The following AFF2 variants were observed in gnomAD, a reference collection of about 807,000 sequenced individuals.
The protein encoded by AFF2 is ALF transcription elongation factor 2, also known as AF4/FMR2 family member 2.
AFF2 carries 14 observed loss-of-function variants against 76.9 expected under a neutral mutation model. The ratio of observed to expected loss-of-function variants is 0.18; its 90% CI spans 0.12 to 0.28. The LOEUF (loss-of-function observed/expected upper bound fraction) is 0.28, where lower values mean the gene tolerates loss of function less well. AFF2 is among the 10% of genes least tolerant of loss of function. The pLI is 1.00. For synonymous variants in AFF2, 398 were observed against 366.7 expected, an observed-to-expected ratio of 1.09 and a Z score of -0.98; for missense variants, 868 against 1,001.1, an observed-to-expected ratio of 0.87 and a Z score of 1.79.
intron 3 of AFF2, among the ~76,000 whole-genome samples, chrX:148,760,515 G>C (rs782486593): frequency 3.6e-5 from 4 of 112,515 alleles, no homozygotes; most frequent in African/African-American, 6.4e-5. Flanking sequence ...TGGCCTTCAG[G>C]CATCATCAAA....
chrX:148,890,704 G>A (rs1430398340), intron 8 of AFF2, among the ~76,000 whole-genome samples: 7 of 112,018 alleles, frequency 6.2e-5, no homozygotes, highest in South Asian at 3.7e-4. Flanking sequence ...AAGGATTGGC[G>A]TGGGTGGAGA....
chrX:148,884,143 A>G (rs2071129471), intron 7 of AFF2, among the ~76,000 whole-genome samples: 1 of 112,391 alleles, frequency 8.9e-6, no homozygotes, highest in African/African-American at 3.2e-5. Context: ...GAAGTCTGCA[A>G]CTGCAAAAGA....
rs782757210 is a variant in AFF2 at position 148,544,472 on chromosome X, A to G, written c.47+43328A>G. On this transcript the variant is annotated intron_variant, in intron 1 of 20. Transcript: ENST00000370460. Reference sequence around the variant, plus strand: ...TCAACTTTTCCACTAGGGCCAACTGAGAATCCTCCCAATGTGTGAGTGTGC... The same window carrying G: ...TCAACTTTTCCACTAGGGCCAACTGGGAATCCTCCCAATGTGTGAGTGTGC... Among the ~76,000 whole-genome samples the G allele has an allele frequency of 5.4e-5, 6 of 111,735 alleles. No individual in the cohort carries two copies. The South Asian group carries it at 2.3e-3, about 42-fold the overall frequency.
At chrX:148,574,595 G>A (rs1873132045) in intron 1 of AFF2, among the ~76,000 whole-genome samples, 1 of 111,256 alleles carries the variant, frequency 9.0e-6, no homozygotes, top group African/African-American at 3.3e-5. Context: ...TAGGGAAGGG[G>A]TTGTGACTGA....
chrX:148,762,010 GATAGAT>G (rs1371452990), intron 3 of AFF2, among the ~76,000 whole-genome samples: 4 of 100,629 alleles, frequency 4.0e-5, no homozygotes, highest in African/African-American at 1.5e-4. Flanking sequence ...TATAGATATA[GATAGAT>G]ATATATTTTA....
intron 3 of AFF2, among the ~76,000 whole-genome samples, chrX:148,763,639 G>T (rs1483013030): frequency 8.9e-6 from 1 of 111,866 alleles, no homozygotes; most frequent in African/African-American, 3.2e-5. Context: ...AGAAAGGTAG[G>T]TGGAACATAA....
intron 8 of AFF2, among the ~76,000 whole-genome samples, chrX:148,886,942 G>A (rs1557279155): frequency 8.9e-6 from 1 of 112,284 alleles, no homozygotes; most frequent in Non-Finnish European, 1.9e-5. Context: ...AAAAGCTTAG[G>A]AAAAATTATC....
chrX:148,906,512 A>G (rs1332595615), intron 9 of AFF2, among the ~76,000 whole-genome samples: 1 of 112,085 alleles, frequency 8.9e-6, no homozygotes, highest in Non-Finnish European at 1.9e-5. Flanking sequence ...CCGACCAATC[A>G]GGTAGTAAAG....
At chrX:148,521,727 T>G (rs1450963016) in intron 1 of AFF2, among the ~76,000 whole-genome samples, 1 of 111,896 alleles carries the variant, frequency 8.9e-6, no homozygotes, top group Non-Finnish European at 1.9e-5. Flanking sequence ...TATGAATATT[T>G]CAGATAAGAT....
At chrX:148,786,575 C>T (rs1018623541) in intron 3 of AFF2, among the ~76,000 whole-genome samples, 1 of 111,469 alleles carries the variant, frequency 9.0e-6, no homozygotes, top group African/African-American at 3.3e-5. Flanking sequence ...TCCCTCTATG[C>T]GTATCTTTGT....
intron 7 of AFF2, among the ~76,000 whole-genome samples, chrX:148,881,372 G>C (rs1438029177): frequency 1.8e-5 from 2 of 111,388 alleles, no homozygotes; most frequent in African/African-American, 6.5e-5. Context: ...ACTTCAACTG[G>C]GGGGTCGCCC....
chrX:148,774,480 T>A (rs1245421573), intron 3 of AFF2, among the ~76,000 whole-genome samples: 1 of 111,578 alleles, frequency 9.0e-6, no homozygotes, highest in Non-Finnish European at 1.9e-5. Flanking sequence ...TAATTTTATC[T>A]CTTCCTCTCC....
intron 3 of AFF2, among the ~76,000 whole-genome samples, chrX:148,758,495 A>G (rs1603295392): frequency 8.9e-6 from 1 of 112,079 alleles, no homozygotes; most frequent in South Asian, 3.7e-4. Context: ...AATTTCATGA[A>G]TAAGCAATAA....
intron 4 of AFF2, among the ~76,000 whole-genome samples, chrX:148,830,732 C>T (rs186805815): frequency 1.2e-4 from 13 of 111,439 alleles, no homozygotes; most frequent in Admixed American, 2.8e-4. Flanking sequence ...GGAGGCAGGG[C>T]GAGATCACAG....
At chrX:148,656,704 T>G (rs1470602954) in intron 2 of AFF2, among the ~76,000 whole-genome samples, 2 of 107,536 alleles carry the variant, frequency 1.9e-5, no homozygotes, top group East Asian at 2.9e-4. Flanking sequence ...GTTTCACCGT[T>G]TTAGCCGGGA....
intron 1 of AFF2, among the ~76,000 whole-genome samples, chrX:148,586,255 T>A (rs2053468644): frequency 9.0e-6 from 1 of 111,696 alleles, no homozygotes; most frequent in Admixed American, 9.6e-5. Flanking sequence ...GAAAAACTTC[T>A]TTACCTCACT....
intron 1 of AFF2, among the ~76,000 whole-genome samples, chrX:148,572,876 T>C (rs2053246030): frequency 9.0e-6 from 1 of 111,013 alleles, no homozygotes; most frequent in African/African-American, 3.3e-5. Flanking sequence ...TACAGAATTA[T>C]CGACTTTGAA....
intron 1 of AFF2, among the ~76,000 whole-genome samples, chrX:148,574,586 A>G (rs2053264728): frequency 9.0e-6 from 1 of 111,365 alleles, no homozygotes; most frequent in South Asian, 3.8e-4. Context: ...CAAATTGTTT[A>G]GGGAAGGGGT....
intron 3 of AFF2, among the ~76,000 whole-genome samples, chrX:148,771,847 AG>A (rs1402156443): frequency 8.9e-6 from 1 of 111,924 alleles, no homozygotes; most frequent in Non-Finnish European, 1.9e-5. Context: ...CAGATTTTAA[AG>A]GGTGTAATTT....
Sources: gnomAD v4.1 joint callset for allele counts (sites outside exome capture counted in the v4.1 genomes callset) on GRCh38, gnomAD v4.1.1 for gene constraint, MANE v1.5 for transcripts, NCBI Gene and HGNC (gene_info 2026-07-23, HGNC 2026-07-21) for gene names.